Variants in MYT1L observed in about 807,000 individuals in gnomAD.
The protein encoded by MYT1L is myelin transcription factor 1 like.
In MYT1L, 12 loss-of-function variants were observed where a neutral mutation model predicts 126.7. The observed-to-expected ratio is 0.09, with a 90% CI of 0.06 to 0.15. The LOEUF (loss-of-function observed/expected upper bound fraction) is 0.15. MYT1L is among the 10% of genes least tolerant of loss of function. The pLI is 1.00. For synonymous variants in MYT1L, 541 were observed against 604.2 expected (o/e 0.90, Z 1.53); for missense variants, 979 against 1,585.2 (o/e 0.62, Z 6.49).
chr2:1,818,132 C>G (rs2037973898), intron 21 of MYT1L, among the ~76,000 whole-genome samples: 1 of 152,190 alleles, frequency 6.6e-6, no homozygotes, highest in Non-Finnish European at 1.5e-5. Flanking sequence ...TCCTGGAGAA[C>G]ATTACAGTTG....
chr2:1,983,622 T>C lies in MYT1L; in HGVS notation c.1-3845A>G, dbSNP rs112729606. Among the ~76,000 whole-genome samples the C allele has an allele frequency of 1.5e-3, 223 of 152,310 alleles. 3 individuals carry two copies. Among genetic ancestry groups the C allele is most frequent in the African/African-American group, 5.2e-3 (217 of 41,580 alleles). On this transcript the variant is annotated intron_variant, in intron 5 of 24. Transcript: ENST00000647738. Reference sequence around the variant, plus strand: ...TCCATCCTGCCCTGCCCTTCTCTCCTACCCGCCTGAAAAGAATGCTTGGGC... The same window carrying C: ...TCCATCCTGCCCTGCCCTTCTCTCCCACCCGCCTGAAAAGAATGCTTGGGC...
At chr2:2,301,118 A>C (rs1302235116) in intron 1 of MYT1L, among the ~76,000 whole-genome samples, 2 of 151,922 alleles carry the variant, frequency 1.3e-5, no homozygotes, top group East Asian at 1.9e-4. Context: ...ATTAATCCAA[A>C]GAGTGTTCTG....
chr2:1,797,727 A>G (rs192520937), intron 23 of MYT1L, among the ~76,000 whole-genome samples: 10 of 152,370 alleles, frequency 6.6e-5, no homozygotes, highest in South Asian at 2.1e-4. Flanking sequence ...TCCTAATTTG[A>G]ATTCTTACAA....
chr2:2,005,547 T>A (rs1040549917), intron 4 of MYT1L, among the ~76,000 whole-genome samples: 1 of 67,748 alleles, frequency 1.5e-5, no homozygotes, highest in African/African-American at 5.7e-5. Context: ...TTCCTGAATA[T>A]GTTCTTTCCT....
At chr2:2,202,369 C>T (rs2093118669) in intron 2 of MYT1L, among the ~76,000 whole-genome samples, 1 of 151,928 alleles carries the variant, frequency 6.6e-6, no homozygotes, top group African/African-American at 2.4e-5. Context: ...ATTGATAGAC[C>T]ACTAGCAAGA....
At chr2:2,183,631 A>G (rs1356244428) in intron 2 of MYT1L, among the ~76,000 whole-genome samples, 1 of 152,182 alleles carries the variant, frequency 6.6e-6, no homozygotes, top group African/African-American at 2.4e-5. Flanking sequence ...TATTCTTCAT[A>G]GTTGCAGCTC....
chr2:2,172,191 G>A (rs142319119), intron 3 of MYT1L, among the ~76,000 whole-genome samples: 2 of 152,234 alleles, frequency 1.3e-5, no homozygotes, highest in South Asian at 2.1e-4. Flanking sequence ...GCAGCCACTA[G>A]GTATGCGCCA....
At position 2,033,299 on chromosome 2, in the gene MYT1L, T is replaced by C. The variant is rs535488680; in HGVS notation, c.-158+20679A>G. On this transcript the variant is annotated intron_variant, in intron 4 of 24. Coordinates refer to ENST00000647738, the MANE Select transcript of MYT1L (RefSeq NM_001303052.2). ...TCATCCTGTGGCCCAGAGCAGATTC[T>C]AGAAGGAGGGCCTTACACACACCCT... Among the ~76,000 whole-genome samples the C allele has an allele frequency of 1.0e-4, 13 of 124,908 alleles. No homozygotes were observed. The South Asian group carries it at 3.3e-3, about 32-fold the overall frequency. 81.9% of individuals were successfully genotyped at this position (124,908 alleles called of 152,430 possible). A position where few individuals can be genotyped will look rare whatever the true frequency, so the allele number is the denominator to read the frequency against.
Position 2,023,780 on chromosome 2 carries a change from TTGTC to T in MYT1L, c.-157-26437_-157-26434del, listed in dbSNP as rs1558770311. 3.3e-5 allele frequency among the ~76,000 whole-genome samples: 5 copies of T among 152,292 alleles called. No homozygotes were observed. The South Asian group carries it at 6.2e-4, about 19-fold the overall frequency. On this transcript the variant is annotated intron_variant, in intron 4 of 24. Coordinates refer to ENST00000647738, the MANE Select transcript of MYT1L (RefSeq NM_001303052.2). Reference sequence around the variant, plus strand: ...GTGGCCCTCTGATACAGAAGAATGTTTGTCTGTGGGCATGAACTCTTTCAAGCAT... The same window carrying T: ...GTGGCCCTCTGATACAGAAGAATGTTTGTGGGCATGAACTCTTTCAAGCAT...
intron 3 of MYT1L, among the ~76,000 whole-genome samples, chr2:2,103,536 C>A (rs2078366650): frequency 6.6e-6 from 1 of 152,246 alleles, no homozygotes; most frequent in Non-Finnish European, 1.5e-5. Flanking sequence ...TGCAGAGATG[C>A]CATCTGATGC....
intron 3 of MYT1L, among the ~76,000 whole-genome samples, chr2:2,081,379 T>C (rs1487142319): frequency 2.0e-5 from 3 of 152,198 alleles, no homozygotes; most frequent in Non-Finnish European, 4.4e-5. Context: ...TACTTCCCTC[T>C]TGGCAAATGC....
intron 2 of MYT1L, among the ~76,000 whole-genome samples, chr2:2,216,074 G>GCATGTAAAATGCTTTCT (rs2093669209): frequency 1.3e-5 from 1 of 78,052 alleles, no homozygotes; most frequent in Non-Finnish European, 2.7e-5. Context: ...TCAGTTCCAC[G>GCATGTAAAATGCTTTCT]TTCCACCTCC....
chr2:1,998,383 A>T (rs1244958604), intron 4 of MYT1L, among the ~76,000 whole-genome samples: 1 of 152,214 alleles, frequency 6.6e-6, no homozygotes, highest in Admixed American at 6.5e-5. Context: ...ACCAGAGCGT[A>T]GAGTTAAATA....
At chr2:2,274,145 G>C (rs984987733) in intron 2 of MYT1L, among the ~76,000 whole-genome samples, 1 of 152,140 alleles carries the variant, frequency 6.6e-6, no homozygotes, top group Non-Finnish European at 1.5e-5. Flanking sequence ...AAGAAGAATT[G>C]TAATGTTCCC....
chr2:2,018,302 T>C (rs1033282328), intron 4 of MYT1L, among the ~76,000 whole-genome samples: 2 of 152,168 alleles, frequency 1.3e-5, no homozygotes, highest in African/African-American at 2.4e-5. Flanking sequence ...GAAGATGAAG[T>C]TGGCCATCTC....
chr2:2,053,106 T>C (rs1331577612), intron 4 of MYT1L, among the ~76,000 whole-genome samples: 3 of 152,216 alleles, frequency 2.0e-5, no homozygotes, highest in Non-Finnish European at 4.4e-5. Context: ...TGACCCATTC[T>C]ACGACATGGC....
chr2:2,068,145 T>C (rs1230429711), intron 3 of MYT1L, among the ~76,000 whole-genome samples: 1 of 152,088 alleles, frequency 6.6e-6, no homozygotes, highest in Non-Finnish European at 1.5e-5. Context: ...TACATGGTGA[T>C]TGCTGACGTC....
intron 2 of MYT1L, among the ~76,000 whole-genome samples, chr2:2,251,114 C>T (rs1312058327): frequency 6.6e-6 from 1 of 152,134 alleles, no homozygotes; most frequent in Non-Finnish European, 1.5e-5. Flanking sequence ...GCTATTACCT[C>T]TCATCGTGGA....
intron 3 of MYT1L, among the ~76,000 whole-genome samples, chr2:2,133,944 A>G (rs2082706458): frequency 1.3e-5 from 2 of 152,334 alleles, no homozygotes; most frequent in Admixed American, 1.3e-4. Context: ...GTGTTCATCT[A>G]CGTATGGTGG....
Sources: gnomAD v4.1 joint callset for allele counts (sites outside exome capture counted in the v4.1 genomes callset) on GRCh38, gnomAD v4.1.1 for gene constraint, MANE v1.5 for transcripts, NCBI Gene and HGNC (gene_info 2026-07-23, HGNC 2026-07-21) for gene names.